The following TPP1 variants were observed in gnomAD, a reference collection of about 807,000 sequenced individuals.
TPP1 encodes the protein tripeptidyl peptidase 1, also known as tripeptidyl-peptidase 1.
A neutral mutation model predicts 67.6 loss-of-function variants in TPP1; 43 were observed. The observed-to-expected ratio is 0.64, with a 90% confidence interval of 0.50 to 0.82. The LOEUF (loss-of-function observed/expected upper bound fraction) is 0.82, where lower values mean the gene tolerates loss of function less well. Ranked by LOEUF, TPP1 falls within the 40% of genes least tolerant of loss-of-function variation. TPP1 has a pLI of 0.00. For synonymous variants in TPP1, 272 were observed against 281.5 expected, an observed-to-expected ratio of 0.97 and a Z score of 0.34; for missense variants, 671 against 710.9, an observed-to-expected ratio of 0.94 and a Z score of 0.64.
chr11:6,618,412 T>G, intron 3 of TPP1: 14 of 455,302 alleles, frequency 3.1e-5, no homozygotes, highest in South Asian at 7.4e-5. Flanking sequence ...AGTCCAGGAG[T>G]GGGAATAAAT....
chr11:6,614,431 C>G lies in TPP1; in HGVS notation c.*115G>C, dbSNP rs1855543429. On this transcript the variant is annotated 3_prime_UTR_variant, in exon 13 of 13. Coordinates refer to ENST00000299427, the MANE Select transcript of TPP1 (RefSeq NM_000391.4). ...AGCATTTCAGGGTTAGGGAGATAAGCTGTCTGCAGCAGTCAATAGTTGAGG... is the reference window on the plus strand; with the variant it reads ...AGCATTTCAGGGTTAGGGAGATAAGGTGTCTGCAGCAGTCAATAGTTGAGG... The G allele has an allele frequency of 2.8e-6, 4 of 1,427,322 alleles. No individual in the cohort carries two copies. Among genetic ancestry groups the G allele is most frequent in the Non-Finnish European group, 3.9e-6 (4 of 1,025,042 alleles). 88.4% of individuals were successfully genotyped at this position (1,427,322 alleles called of 1,614,324 possible).
chr11:6,614,322 C>T lies in TPP1; in HGVS notation c.*224G>A. ...GGCATTCAAAAAATGCTAGTTACAG[C>T]ATCTTATTGAGGAATCTAAGGCAGG... On this transcript the variant is annotated 3_prime_UTR_variant, in exon 13 of 13. Coordinates refer to ENST00000299427, the MANE Select transcript of TPP1 (RefSeq NM_000391.4). 3 of 602,566 alleles carry T rather than the reference C, an allele frequency of 5.0e-6. No individual in the cohort carries two copies. The highest frequency in any genetic ancestry group is 8.8e-6 in the Non-Finnish European group (3 of 341,330). The allele number at this position is 602,566 out of a possible 1,614,324, so 37.3% of individuals were successfully genotyped here. A position where few individuals can be genotyped will look rare whatever the true frequency, so the allele number is the denominator to read the frequency against.
chr11:6,615,938 G>A (rs1006916207), intron 9 of TPP1, 67 bp downstream of exon 9: 1 of 1,562,916 alleles, frequency 6.4e-7, no homozygotes, highest in Non-Finnish European at 8.8e-7. Flanking sequence ...CAAGACAAAG[G>A]TTCTACATCA....
rs142163063 is a variant in TPP1 at position 6,619,394 on chromosome 11, G to T, written c.7C>A (p.Leu3Ile). Residue 3 changes from leucine to isoleucine, a missense_variant, in exon 1 of 13, where the codon CTC (leucine) becomes ATC (isoleucine). Physicochemically the swap from Leu to Ile is conservative, Grantham distance 5. Coordinates refer to ENST00000299427, the MANE Select transcript of TPP1 (RefSeq NM_000391.4). MGLQACLLGLFAL... is the reference protein window; with the variant it reads MGIQACLLGLFAL... ...CTCTCAATTTCTCACCAGGCTTGGA[G>T]TCCCATTCTGCCCTTCCGCGGATCT... 4.0e-5 allele frequency: 64 copies of T among 1,614,216 alleles called. No individual in the cohort carries two copies. In the African/African-American group the frequency reaches 4.0e-4, roughly 10 times the overall value.
At position 6,617,771 on chromosome 11, in the gene TPP1, A is replaced by G; in HGVS notation, c.235T>C (p.Tyr79His). 1.2e-6 allele frequency: 2 copies of G among 1,614,114 alleles called. No individual in the cohort carries two copies. The highest frequency in any genetic ancestry group is 2.7e-5 in the African/African-American group (2 of 75,010). Residue 79 changes from tyrosine (Y) to histidine (H), a missense_variant, in exon 4 of 13, where the codon TAC (tyrosine) becomes CAC (histidine). Tyr to His is a moderately conservative substitution (Grantham distance 83). Transcript: ENST00000299427. ...TCAGCCACATTCTCTAGGGTCAGGT[A>G]TTTTCCTGCAGGGATTCAGAAGAGG... ...SDPSSPQYGK[Y>H]LTLENVADLV...
rs779139008 is a variant in TPP1, at chr11:6,616,073, A to C, written c.1077T>G (p.Gly359=). The C allele has an allele frequency of 6.2e-7, 1 of 1,614,134 alleles. No homozygotes were observed. The highest frequency in any genetic ancestry group is 1.1e-5 in the South Asian group (1 of 91,074). The part of the protein sequence containing the change: ...ARGLTLLFAS[G]DSGAGCWSVS... ...CAGACCAACACCCGGCCCCACTGTC[A>C]CCTGAGAGAGACCAAGTGTAGCATT... The change falls in exon 9 of 13, where the codon GGT becomes GGG. Residue 359 remains glycine, a splice_region_variant and synonymous_variant. Transcript: ENST00000299427.
chr11:6,618,429 G>A (rs1855618269), intron 3 of TPP1: 1 of 518,604 alleles, frequency 1.9e-6, no homozygotes, highest in Non-Finnish European at 3.5e-6. Flanking sequence ...AAATAACGGA[G>A]TTGGTCGTAA....
chr11:6,616,775 C>T lies in TPP1; in HGVS notation c.772G>A (p.Ala258Thr). 1 of 1,614,004 alleles carries T rather than the reference C, an allele frequency of 6.2e-7. No individual in the cohort carries two copies. Among genetic ancestry groups the T allele is most frequent in the Non-Finnish European group, 8.5e-7 (1 of 1,180,014 alleles). ...CGGCCCTGTTGTCCAACCACACGGG[C>T]TACTGATGCCTGATGTGCAAAGTTG... The part of the protein sequence containing the change: ...GGNFAHQASV[A>T]RVVGQQGRGR... Residue 258 changes from alanine (A) to threonine (T), a missense_variant, in exon 7 of 13, where the codon GCC (alanine) becomes ACC (threonine). Transcript: ENST00000299427.
chr11:6,614,544 G>T lies in TPP1; in HGVS notation c.*2C>A. The T allele has an allele frequency of 1.2e-6, 2 of 1,614,176 alleles. No individual in the cohort carries two copies. Among genetic ancestry groups the T allele is most frequent in the Non-Finnish European group, 1.7e-6 (2 of 1,180,026 alleles). ...CAAGCCATCTCTCCTGATAGGAAAG[G>T]GTCAGGGGTTGAGTAGAGTCTTCAG... On this transcript the variant is annotated 3_prime_UTR_variant, in exon 13 of 13. Transcript: ENST00000299427.
chr11:6,618,544 G>A (rs1033978794), intron 3 of TPP1: 6 of 620,696 alleles, frequency 9.7e-6, no homozygotes, highest in African/African-American at 9.2e-5. Flanking sequence ...TTGAGGGTAG[G>A]GGAAGGAACG....
At position 6,614,947 on chromosome 11, in the gene TPP1, C is replaced by A. The variant is rs367681647; in HGVS notation, c.1470G>T (p.Glu490Asp). The A allele has an allele frequency of 6.2e-7, 1 of 1,614,104 alleles. No individual in the cohort carries two copies. The highest frequency in any genetic ancestry group is 2.2e-5 in the East Asian group (1 of 44,872). ...VFGGILSLIN[E>D]HRILSGRPPL... ...GGGGGCGGCCACTAAGGATCCTGTG[C>A]TCATTGATCAAGGATAGGATCCCCC... The change falls in exon 12 of 13, where the codon GAG (glutamate) becomes GAT (aspartate). Residue 490 changes from glutamate to aspartate, a missense_variant. Coordinates refer to ENST00000299427, the MANE Select transcript of TPP1 (RefSeq NM_000391.4).
intron 12 of TPP1, 55 bp from the exon 13 acceptor site, chr11:6,614,741 T>G (rs1855549662): frequency 5.0e-6 from 8 of 1,613,636 alleles, no homozygotes; most frequent in Middle Eastern, 1.6e-4. Context: ...ACTTAAAGAG[T>G]ATATCTCCTC....
chr11:6,615,204 G>A lies in TPP1; in HGVS notation c.1392C>T (p.Asn464=), dbSNP rs1855560049. The change falls in exon 11 of 13, where the codon AAC becomes AAT. Residue 464 remains asparagine (N), a synonymous_variant. Transcript: ENST00000299427. ...ALSDGYWVVS[N]RVPIPWVSGT... is the part of the protein sequence containing the mutation. ...CGGACACCCATGGAATGGGCACTCT[G>A]TTGCTGACCACCCAGTAGCCATCAG... is the stretch of plus-strand genomic sequence containing the variant. 2 of 1,614,210 alleles carry A rather than the reference G, an allele frequency of 1.2e-6. No individual in the cohort carries two copies. Among genetic ancestry groups the A allele is most frequent in the Non-Finnish European group, 1.7e-6 (2 of 1,180,042 alleles).
In TPP1 at chr11:6,616,745, G is replaced by A. The variant is rs778410642; in HGVS notation, c.802C>T (p.Arg268Trp). Reference protein sequence around the residue: ...ARVVGQQGRGRAGIEASLDVQ... With the variant: ...ARVVGQQGRGWAGIEASLDVQ... The stretch of plus-strand genomic sequence containing the variant: ...TCTAGACTGGCCTCAATCCCGGCCC[G>A]GCCCCGGCCCTGTTGTCCAACCACA... The change falls in exon 7 of 13, where the codon CGG becomes TGG. Residue 268 changes from arginine to tryptophan, a missense_variant. Arg to Trp is a moderately radical substitution (Grantham distance 101). Coordinates refer to ENST00000299427, the MANE Select transcript of TPP1 (RefSeq NM_000391.4). The A allele has an allele frequency of 2.5e-5, 41 of 1,613,948 alleles. No individual in the cohort carries two copies. Among genetic ancestry groups the A allele is most frequent in the East Asian group, 6.7e-5 (3 of 44,896 alleles).
chr11:6,616,012 C>T lies in TPP1; in HGVS notation c.1138G>A (p.Ala380Thr), dbSNP rs190013230. ...GRHQFRPTFPASSPYVTTVGG... is the reference protein window; with the variant it reads ...GRHQFRPTFPTSSPYVTTVGG... ...GTAGGCTAGAGTACTTACCTGGAGG[C>T]AGGGAAGGTAGGGCGGAACTGGTGT... Residue 380 changes from alanine to threonine, a missense_variant, in exon 9 of 13, where the codon GCC becomes ACC. By Grantham distance (58) the Ala-to-Thr change is moderately conservative (BLOSUM62 0). Transcript: ENST00000299427. 1.1e-5 allele frequency: 17 copies of T among 1,614,158 alleles called. No individual in the cohort carries two copies. The African/African-American group carries it at 1.5e-4, about 14-fold the overall frequency.
Position 6,615,005 on chromosome 11 carries a change from G to A in TPP1, c.1426-14C>T. On this transcript the variant is annotated splice_polypyrimidine_tract_variant and intron_variant, in intron 11 of 12. Coordinates refer to ENST00000299427, the MANE Select transcript of TPP1 (RefSeq NM_000391.4). ...TGGAGTAGAGGCCTACAAGAGTGAAGGTGCAAGTAGAGGTCAGGGGTTCTG... is the reference window on the plus strand; with the variant it reads ...TGGAGTAGAGGCCTACAAGAGTGAAAGTGCAAGTAGAGGTCAGGGGTTCTG... 2 of 1,614,130 alleles carry A rather than the reference G, an allele frequency of 1.2e-6. No individual in the cohort carries two copies. Among genetic ancestry groups the A allele is most frequent in the Non-Finnish European group, 8.5e-7 (1 of 1,180,026 alleles).
chr11:6,614,751 C>T (rs1272088452), intron 12 of TPP1, 65 bp from the exon 13 acceptor site: 1 of 1,613,888 alleles, frequency 6.2e-7, no homozygotes, highest in African/African-American at 1.3e-5. Context: ...TATATCTCCT[C>T]ACCCTGTACT....
intron 3 of TPP1, 25 bp downstream of exon 3, chr11:6,618,751 T>A: frequency 6.2e-7 from 1 of 1,612,896 alleles, no homozygotes; most frequent in South Asian, 1.1e-5. Flanking sequence ...GCATCCCACA[T>A]CCTGTCCTCA....
rs1284595652 is a variant in TPP1, at chr11:6,617,647, A to G, written c.359T>C (p.Leu120Pro). ...TCACCGGATGCTCAGCCAGCAAGTC[A>G]GAAAGTCCTGTGTGATCACAGAATG... ...KCHSVITQDF[L>P]TCWLSIRQAE... The change falls in exon 4 of 13, where the codon CTG becomes CCG. Residue 120 changes from leucine to proline, a missense_variant. Physicochemically the swap from Leu to Pro is moderately conservative, Grantham distance 98. Coordinates refer to ENST00000299427, the MANE Select transcript of TPP1 (RefSeq NM_000391.4). 6.2e-7 allele frequency: 1 copy of G among 1,614,088 alleles called. No individual in the cohort carries two copies. The highest frequency in any genetic ancestry group is 8.5e-7 in the Non-Finnish European group (1 of 1,180,044).
Sources: allele counts gnomAD v4.1 joint callset, GRCh38; gene constraint gnomAD v4.1.1; transcripts MANE v1.5; gene names NCBI Gene and HGNC (gene_info 2026-07-23, HGNC 2026-07-21).